SLC35F1: variants seen among roughly 807,000 people sequenced by gnomAD.
SLC35F1 encodes the protein solute carrier family 35 member F1, also known as chromosome 6 open reading frame 169.
A neutral mutation model predicts 48.7 loss-of-function variants in SLC35F1; 14 were observed. That is an observed-to-expected ratio of 0.29 (90% CI 0.19 to 0.45). The LOEUF (loss-of-function observed/expected upper bound fraction) is 0.45, where lower values mean the gene tolerates loss of function less well. Among genes scored for constraint, SLC35F1 ranks in the 20% least tolerant of loss-of-function variants. The pLI is 1.00. For synonymous variants in SLC35F1, 190 were observed against 202.2 expected (o/e 0.94, Z 0.51); for missense variants, 404 against 500.0 (o/e 0.81, Z 1.83).
At chr6:117,924,478 GTATA>G (rs1562239489) in intron 1 of SLC35F1, among the ~76,000 whole-genome samples, 1 of 17,574 alleles carries the variant, frequency 5.7e-5, no homozygotes, top group African/African-American at 9.9e-5. Flanking sequence ...ATATACATAT[GTATA>G]TACGTATATA....
At chr6:118,082,663 G>A (rs1437712733) in intron 1 of SLC35F1, among the ~76,000 whole-genome samples, 1 of 151,922 alleles carries the variant, frequency 6.6e-6, no homozygotes, top group African/African-American at 2.4e-5. Flanking sequence ...CAAGAAAAAT[G>A]GCAGAGCTTT....
At chr6:118,050,254 T>C (rs1280239740) in intron 1 of SLC35F1, among the ~76,000 whole-genome samples, 1 of 151,588 alleles carries the variant, frequency 6.6e-6, no homozygotes, top group African/African-American at 2.4e-5. Context: ...TTAGGAGATA[T>C]ACCTAATGCT....
Position 118,235,625 on chromosome 6 carries a change from A to C in SLC35F1, c.466A>C (p.Thr156Pro), listed in dbSNP as rs1314776142. ...CAAGGCTTACCAATACACAACTCTGACCAGTATCCAGGTACCCATGGTTCT... is the reference window on the plus strand; with the variant it reads ...CAAGGCTTACCAATACACAACTCTGCCCAGTATCCAGGTACCCATGGTTCT... ...VVKAYQYTTL[T>P]SIQLLDCFVI... The change falls in exon 3 of 8, where the codon ACC (threonine) becomes CCC (proline). Residue 156 changes from threonine (T) to proline (P), a missense_variant. Physicochemically the swap from Thr to Pro is conservative, Grantham distance 38 (BLOSUM62 -1). This residue lies in a region of SLC35F1 where 306 missense variants were observed against 419.1 expected (regional missense o/e 0.73). Transcript: ENST00000360388. 1 of 1,612,916 alleles carries C rather than the reference A, an allele frequency of 6.2e-7. No homozygotes were observed. The highest frequency in any genetic ancestry group is 1.7e-5 in the Admixed American group (1 of 59,860).
intron 1 of SLC35F1, among the ~76,000 whole-genome samples, chr6:118,131,230 C>T (rs1316765207): frequency 7.0e-6 from 1 of 142,248 alleles, no homozygotes; most frequent in Admixed American, 7.0e-5. Flanking sequence ...AAAGTTGTAA[C>T]ATAGAAAGCA....
chr6:118,204,199 T>A (rs1385342652), intron 2 of SLC35F1, among the ~76,000 whole-genome samples: 1 of 151,416 alleles, frequency 6.6e-6, no homozygotes, highest in African/African-American at 2.4e-5. Context: ...AAGGGAATAG[T>A]GGACACAAAG....
chr6:118,067,899 G>A lies in SLC35F1; in HGVS notation c.174-86546G>A, dbSNP rs144804716. Among the ~76,000 whole-genome samples, 1,113 of 152,170 alleles carry A rather than the reference G, an allele frequency of 7.3e-3. 12 individuals carry two copies. The highest frequency in any genetic ancestry group is 0.024 in the Middle Eastern group (7 of 294). On this transcript the variant is annotated intron_variant, in intron 1 of 7. Transcript: ENST00000360388. The stretch of plus-strand genomic sequence containing the variant: ...GAATTAGCGTTTCTAACAAGTTCAC[G>A]GTGGTATTAGCTTTCTATAGCTGCT...
At position 117,951,690 on chromosome 6, in the gene SLC35F1, A is replaced by G. The variant is rs76336143; in HGVS notation, c.173+43791A>G. The stretch of plus-strand genomic sequence containing the variant: ...TTTGCTTCTTTGTGCTGTGCAGGAC[A>G]AGGAATATGCTAAGGATAAGAGACT... On this transcript the variant is annotated intron_variant, in intron 1 of 7. Transcript: ENST00000360388. Among the ~76,000 whole-genome samples the G allele has an allele frequency of 7.9e-3, 1,208 of 152,334 alleles. 9 individuals carry two copies. Among genetic ancestry groups the G allele is most frequent in the Non-Finnish European group, 0.014 (934 of 68,030 alleles).
At chr6:118,216,085 TG>T (rs112615743) in intron 2 of SLC35F1, among the ~76,000 whole-genome samples, 59,913 of 144,538 alleles carry the variant, frequency 0.41, 13,027 homozygotes, top group East Asian at 0.62. Flanking sequence ...TTTTGTTTTT[TG>T]TTTTTTTTTT....
chr6:117,923,694 C>CATATACAT (rs1775956245), intron 1 of SLC35F1, among the ~76,000 whole-genome samples: 1 of 13,518 alleles, frequency 7.4e-5, no homozygotes, highest in Non-Finnish European at 1.0e-4. Flanking sequence ...TACATATGTA[C>CATATACAT]ATATACATAT....
chr6:118,008,927 A>G (rs973093020), intron 1 of SLC35F1, among the ~76,000 whole-genome samples: 1 of 152,178 alleles, frequency 6.6e-6, no homozygotes, highest in African/African-American at 2.4e-5. Flanking sequence ...AAAGACCTAT[A>G]TGAAGGATTT....
At position 117,908,930 on chromosome 6, in the gene SLC35F1, G is replaced by A. The variant is rs141079291; in HGVS notation, c.173+1031G>A. 1.2e-4 allele frequency among the ~76,000 whole-genome samples: 18 copies of A among 152,286 alleles called. No homozygotes were observed. In the East Asian group the frequency reaches 3.5e-3, roughly 29 times the overall value. ...GCAGAGATTCCCAACGAATTCACAC[G>A]GAACTGTCTGGGGCTCAAAGCTCTG... On this transcript the variant is annotated intron_variant, in intron 1 of 7. Transcript: ENST00000360388.
rs541742864 is a variant in SLC35F1 at position 118,266,884 on chromosome 6, G to T, written c.478-111G>T. ...AGTCTGGGTCTACACAAAATCTCAG[G>T]TTCAGGGGAAAGGCAGAACCCTTTC... is the stretch of plus-strand genomic sequence containing the variant. On this transcript the variant is annotated intron_variant, in intron 3 of 7. Transcript: ENST00000360388. 3.0e-5 allele frequency: 36 copies of T among 1,198,972 alleles called. No homozygotes were observed. The East Asian group carries it at 7.6e-4, about 25-fold the overall frequency. 74.3% of individuals were successfully genotyped at this position (1,198,972 alleles called of 1,614,324 possible).
intron 7 of SLC35F1, among the ~76,000 whole-genome samples, chr6:118,311,332 G>A (rs1562358830): frequency 6.6e-6 from 1 of 152,058 alleles, no homozygotes; most frequent in Admixed American, 6.5e-5. Flanking sequence ...GGTACAGGCT[G>A]ATTTTTTATT....
intron 1 of SLC35F1, among the ~76,000 whole-genome samples, chr6:118,127,949 G>C (rs1054424098): frequency 7.9e-5 from 12 of 152,122 alleles, no homozygotes; most frequent in East Asian, 3.9e-4. Context: ...ACAAAGAACT[G>C]AAACAAATTT....
rs1775840856 is a variant in SLC35F1 at position 118,270,703 on chromosome 6, C to T, written c.637+3549C>T. On this transcript the variant is annotated intron_variant, in intron 4 of 7. Coordinates refer to ENST00000360388, the MANE Select transcript of SLC35F1 (RefSeq NM_001029858.4). ...AGCAGTATAGGCCTCCTCCAAAAGA[C>T]CATCTCTGCATTTACTGATGTGCAG... Among the ~76,000 whole-genome samples, 6 of 152,260 alleles carry T rather than the reference C, an allele frequency of 3.9e-5. 1 individual carries two copies. The South Asian group carries it at 1.2e-3, about 32-fold the overall frequency.
intron 7 of SLC35F1, among the ~76,000 whole-genome samples, chr6:118,296,266 T>A (rs1776182801): frequency 6.6e-6 from 1 of 152,206 alleles, no homozygotes; most frequent in Non-Finnish European, 1.5e-5. Context: ...GTTACTACTG[T>A]CTAGCTCCTT....
At chr6:117,926,777 T>C (rs1484832831) in intron 1 of SLC35F1, among the ~76,000 whole-genome samples, 1 of 152,080 alleles carries the variant, frequency 6.6e-6, no homozygotes, top group East Asian at 1.9e-4. Flanking sequence ...CTAAGTAGCA[T>C]TGGAGACACT....
chr6:117,936,565 A>G (rs1422595067), intron 1 of SLC35F1, among the ~76,000 whole-genome samples: 1 of 152,234 alleles, frequency 6.6e-6, no homozygotes, highest in Admixed American at 6.5e-5. Flanking sequence ...CTCGAAATCC[A>G]TAAAATTTCT....
intron 7 of SLC35F1, among the ~76,000 whole-genome samples, chr6:118,305,615 CAA>C (rs1776303281): frequency 6.6e-6 from 1 of 152,098 alleles, no homozygotes; most frequent in African/African-American, 2.4e-5. Context: ...CAAGCAGATG[CAA>C]AGTCCTTAGA....
Sources: allele counts gnomAD v4.1 joint callset (sites outside exome capture counted in the v4.1 genomes callset), GRCh38; gene constraint gnomAD v4.1.1; regional missense constraint gnomAD v4.1.1; transcripts MANE v1.5; gene names NCBI Gene and HGNC (gene_info 2026-07-23, HGNC 2026-07-21).